Variants in KRCC1 observed in about 807,000 individuals in gnomAD.
KRCC1 encodes the protein lysine rich coiled-coil 1, also known as lysine-rich coiled-coil protein 1.
KRCC1 carries 3 observed loss-of-function variants against 7.4 expected under a neutral mutation model. The ratio of observed to expected loss-of-function variants is 0.40; its 90% CI spans 0.18 to 1.04. KRCC1 has a LOEUF of 1.04. Among genes scored for constraint, KRCC1 ranks in the 50% least tolerant of loss-of-function variants. KRCC1 has a pLI of 0.33. For synonymous variants in KRCC1, 102 were observed against 101.6 expected (o/e 1.00, Z -0.02); for missense variants, 277 against 300.9 (o/e 0.92, Z 0.59).
intron 1 of KRCC1, among the ~76,000 whole-genome samples, chr2:88,038,853 A>G (rs551535398): frequency 7.7e-4 from 117 of 152,164 alleles, no homozygotes; most frequent in African/African-American, 2.8e-3. Context: ...CGATTCAATT[A>G]CCTCCACCTG....
At position 88,028,068 on chromosome 2, in the gene KRCC1, C is replaced by T. The variant is rs754206793; in HGVS notation, c.496G>A (p.Glu166Lys). 1.2e-6 allele frequency: 2 copies of T among 1,614,116 alleles called. No individual in the cohort carries two copies. The highest frequency in any genetic ancestry group is 1.1e-5 in the South Asian group (1 of 91,076). ...TCCTCCTCTGATTTTTCTCTGCCTT[C>T]CTCTGGGTGCCTTTTCCTCTTCTGA... ...IHQKRKRHPE[E>K]GREKSEEERS... Residue 166 changes from glutamate (E) to lysine (K), a missense_variant, in exon 4 of 4, where the codon GAA becomes AAA. By Grantham distance (56) the Glu-to-Lys change is moderately conservative. Transcript: ENST00000347055.
At chr2:88,049,290 T>TC (rs1673414164) in intron 1 of KRCC1, among the ~76,000 whole-genome samples, 1 of 152,224 alleles carries the variant, frequency 6.6e-6, no homozygotes, top group Non-Finnish European at 1.5e-5. Context: ...TTTACTTGGA[T>TC]CCAAGGCAGA....
intron 1 of KRCC1, among the ~76,000 whole-genome samples, chr2:88,042,205 C>G (rs2104617024): frequency 6.6e-6 from 1 of 152,050 alleles, no homozygotes; most frequent in South Asian, 2.1e-4. Flanking sequence ...GGACTACAGG[C>G]ACCTGCCACC....
intron 1 of KRCC1, among the ~76,000 whole-genome samples, chr2:88,041,955 C>CG (rs1558834390): frequency 6.6e-6 from 1 of 152,086 alleles, no homozygotes; most frequent in African/African-American, 2.4e-5. Flanking sequence ...ATCTCTCCCC[C>CG]CCGATATTGG....
intron 3 of KRCC1, among the ~76,000 whole-genome samples, chr2:88,030,400 T>C (rs948417807): frequency 2.0e-5 from 3 of 151,626 alleles, no homozygotes; most frequent in Non-Finnish European, 2.9e-5. Flanking sequence ...TTAGAAAATA[T>C]AGTTCTTGTT....
At chr2:88,036,435 G>A (rs887793616) in intron 2 of KRCC1, among the ~76,000 whole-genome samples, 2 of 151,892 alleles carry the variant, frequency 1.3e-5, no homozygotes, top group African/African-American at 4.8e-5. Flanking sequence ...CTACTCCTCC[G>A]GATCTCAGTT....
At chr2:88,036,705 TG>T (rs1673097783) in intron 2 of KRCC1, among the ~76,000 whole-genome samples, 1 of 152,198 alleles carries the variant, frequency 6.6e-6, no homozygotes, top group Non-Finnish European at 1.5e-5. Context: ...AGTGGCTTTC[TG>T]GATAAGGTAG....
chr2:88,052,619 T>C (rs1374240004), intron 1 of KRCC1, among the ~76,000 whole-genome samples: 1 of 152,230 alleles, frequency 6.6e-6, no homozygotes, highest in Admixed American at 6.5e-5. Flanking sequence ...TTTTGATCTA[T>C]CTCATCAAAA....
chr2:88,052,635 G>A (rs1464605799), intron 1 of KRCC1, among the ~76,000 whole-genome samples: 1 of 152,198 alleles, frequency 6.6e-6, no homozygotes, highest in Non-Finnish European at 1.5e-5. Context: ...CAAAAGACTT[G>A]TCACAGTATT....
intron 1 of KRCC1, among the ~76,000 whole-genome samples, chr2:88,049,346 GGTTA>G (rs1301010698): frequency 6.6e-6 from 1 of 152,168 alleles, no homozygotes; most frequent in Non-Finnish European, 1.5e-5. Flanking sequence ...CCTTCTAATG[GGTTA>G]GTTAATGTGA....
chr2:88,045,424 G>A (rs955467987), intron 1 of KRCC1, among the ~76,000 whole-genome samples: 1 of 152,098 alleles, frequency 6.6e-6, no homozygotes. Context: ...CATGCAACAC[G>A]GATGAATCTC....
chr2:88,029,853 TA>T lies in KRCC1; in HGVS notation c.-22-1269del, dbSNP rs199553838. ...ATATATAAAAAAATATATATATATA[TA>T]TTTTTTTTTTTGAGATGGAGTCTTG... is the stretch of plus-strand genomic sequence containing the variant. On this transcript the variant is annotated intron_variant, in intron 3 of 3. Coordinates refer to ENST00000347055, the MANE Select transcript of KRCC1 (RefSeq NM_016618.3). 7.7e-4 allele frequency among the ~76,000 whole-genome samples: 17 copies of T among 22,102 alleles called. No homozygotes were observed. The East Asian group carries it at 0.043, about 56-fold the overall frequency. The allele number at this position is 22,102 out of a possible 152,430, so 14.5% of individuals were successfully genotyped here.
At chr2:88,042,388 CTT>C (rs1440661469) in intron 1 of KRCC1, among the ~76,000 whole-genome samples, 3 of 151,926 alleles carry the variant, frequency 2.0e-5, no homozygotes, top group South Asian at 2.1e-4. Flanking sequence ...TGAGGTTTCT[CTT>C]TGTTTCTTTT....
At chr2:88,045,750 C>G (rs1183237268) in intron 1 of KRCC1, among the ~76,000 whole-genome samples, 1 of 151,882 alleles carries the variant, frequency 6.6e-6, no homozygotes, top group African/African-American at 2.4e-5. Flanking sequence ...GTGGTGCAAT[C>G]TTGGCTCACC....
chr2:88,048,914 TAA>T (rs1673404891), intron 1 of KRCC1, among the ~76,000 whole-genome samples: 2 of 152,220 alleles, frequency 1.3e-5, no homozygotes, highest in Non-Finnish European at 2.9e-5. Context: ...AAATCCTATT[TAA>T]AGTGTTTTCA....
intron 1 of KRCC1, among the ~76,000 whole-genome samples, chr2:88,044,863 ATTT>A (rs11302450): frequency 8.5e-5 from 9 of 105,844 alleles, no homozygotes; most frequent in South Asian, 3.3e-4. Flanking sequence ...GAGTTTGATA[ATTT>A]TTTTTTTTTT....
intron 1 of KRCC1, among the ~76,000 whole-genome samples, chr2:88,048,259 T>G (rs1168625566): frequency 1.3e-5 from 2 of 152,092 alleles, no homozygotes; most frequent in African/African-American, 4.8e-5. Flanking sequence ...ATTTTGTATT[T>G]TTAGTAGAGA....
chr2:88,046,045 A>G (rs1673326420), intron 1 of KRCC1, among the ~76,000 whole-genome samples: 1 of 152,214 alleles, frequency 6.6e-6, no homozygotes, highest in Non-Finnish European at 1.5e-5. Flanking sequence ...AAGTAACTAA[A>G]GGAGTTTAAA....
In KRCC1 at chr2:88,045,447, C is replaced by G. The variant is rs79370738; in HGVS notation, c.-290-8396G>C. 1.6e-3 allele frequency among the ~76,000 whole-genome samples: 245 copies of G among 152,244 alleles called. 2 individuals are homozygous for G. The highest frequency in any genetic ancestry group is 2.8e-3 in the Non-Finnish European group (189 of 68,012). On this transcript the variant is annotated intron_variant, in intron 1 of 3. Coordinates refer to ENST00000347055, the MANE Select transcript of KRCC1 (RefSeq NM_016618.3). The stretch of plus-strand genomic sequence containing the variant: ...ACGGATGAATCTCAAAACCATCACG[C>G]TGAGCGAAAGACAGACATGAAAGAG...
Sources: allele counts gnomAD v4.1 joint callset (sites outside exome capture counted in the v4.1 genomes callset), GRCh38; gene constraint gnomAD v4.1.1; transcripts MANE v1.5; gene names NCBI Gene and HGNC (gene_info 2026-07-23, HGNC 2026-07-21).